The following CNGA3 variants were observed in gnomAD, a reference collection of about 807,000 sequenced individuals.
CNGA3 encodes the protein cyclic nucleotide gated channel subunit alpha 3.
Under a neutral mutation model 46.6 loss-of-function variants are expected in CNGA3, and 42 were observed. The observed-to-expected ratio is 0.90, with a 90% CI of 0.70 to 1.17. The LOEUF is 1.17. Among genes scored for constraint, CNGA3 ranks in the 50% most tolerant of loss-of-function variants. The pLI is 0.00. For missense variants in CNGA3, 893 were observed against 890.7 expected (o/e 1.00, Z -0.03); for synonymous variants, 394 against 369.4 (o/e 1.07, Z -0.76).
At chr2:98,348,968 G>A (rs982579678) in intron 1 of CNGA3, among the ~76,000 whole-genome samples, 1 of 152,186 alleles carries the variant, frequency 6.6e-6, no homozygotes, top group African/African-American at 2.4e-5. Flanking sequence ...TGTTGCAACT[G>A]AAACTTGAAA....
Position 98,393,555 on chromosome 2 carries a change from C to T in CNGA3, c.673+1585C>T, listed in dbSNP as rs561709453. 4.2e-3 allele frequency among the ~76,000 whole-genome samples: 633 copies of T among 152,310 alleles called. 5 individuals are homozygous for T. The highest frequency in any genetic ancestry group is 0.014 in the African/African-American group (585 of 41,572). Reference sequence around the variant, plus strand: ...CCTCAGATACACAGGCTGAGGCTTGCGTGGGTGGCCTAGCCAGCCCTGGTC... The same window carrying T: ...CCTCAGATACACAGGCTGAGGCTTGTGTGGGTGGCCTAGCCAGCCCTGGTC... On this transcript the variant is annotated intron_variant, in intron 7 of 7. Coordinates refer to ENST00000272602, the MANE Select transcript of CNGA3 (RefSeq NM_001298.3).
Position 98,387,232 on chromosome 2 carries a change from C to G in CNGA3, c.450-2426C>G, listed in dbSNP as rs888745382. 2.0e-5 allele frequency among the ~76,000 whole-genome samples: 3 copies of G among 152,172 alleles called. No homozygotes were observed. The East Asian group carries it at 5.8e-4, about 29-fold the overall frequency. On this transcript the variant is annotated intron_variant, in intron 5 of 7. Coordinates refer to ENST00000272602, the MANE Select transcript of CNGA3 (RefSeq NM_001298.3). ...TGGTCGTGTGATTCGGTGGCTCTCC[C>G]TTTTTGATTGTCATGAATAATGGCA...
At chr2:98,347,789 A>G (rs1326768920) in intron 1 of CNGA3, among the ~76,000 whole-genome samples, 4 of 152,232 alleles carry the variant, frequency 2.6e-5, no homozygotes, top group Non-Finnish European at 4.4e-5. Flanking sequence ...ACCCGGGTTC[A>G]GACTCCATCC....
chr2:98,367,187 T>TTTTTTA (rs1692180069), intron 1 of CNGA3, among the ~76,000 whole-genome samples: 2 of 139,688 alleles, frequency 1.4e-5, no homozygotes, highest in Non-Finnish European at 1.6e-5. Flanking sequence ...TTTTTTTTCT[T>TTTTTTA]TTTTTTTTTT....
chr2:98,390,574 C>A (rs1692761602), intron 6 of CNGA3, among the ~76,000 whole-genome samples: 1 of 152,158 alleles, frequency 6.6e-6, no homozygotes, highest in South Asian at 2.1e-4. Flanking sequence ...TCTGAGCAGG[C>A]CTCCAGGGTG....
At position 98,395,713 on chromosome 2, in the gene CNGA3, T is replaced by A. The variant is rs1045800084; in HGVS notation, c.674-131T>A. 7 of 747,994 alleles carry A rather than the reference T, an allele frequency of 9.4e-6. No individual in the cohort carries two copies. In the East Asian group the frequency reaches 1.9e-4, roughly 20 times the overall value. The allele number at this position is 747,994 out of a possible 1,614,324, so 46.3% of individuals were successfully genotyped here. ...TTCCTGTAGTAATGGTAAGTGTTGTTTTTGAAATCATTTCTATTATATATG... is the reference window on the plus strand; with the variant it reads ...TTCCTGTAGTAATGGTAAGTGTTGTATTTGAAATCATTTCTATTATATATG... On this transcript the variant is annotated intron_variant, in intron 7 of 7. Transcript: ENST00000272602.
chr2:98,347,980 G>T (rs1433543453), intron 1 of CNGA3, among the ~76,000 whole-genome samples: 1 of 152,222 alleles, frequency 6.6e-6, no homozygotes, highest in African/African-American at 2.4e-5. Context: ...GGCCGGGAGA[G>T]GAGAGATGGT....
At chr2:98,358,202 A>C (rs1691932515) in intron 1 of CNGA3, among the ~76,000 whole-genome samples, 1 of 152,246 alleles carries the variant, frequency 6.6e-6, no homozygotes, top group South Asian at 2.1e-4. Flanking sequence ...TAATCTCTTA[A>C]GATGTCATGA....
At chr2:98,353,529 T>C (rs951213831) in intron 1 of CNGA3, among the ~76,000 whole-genome samples, 12 of 152,218 alleles carry the variant, frequency 7.9e-5, no homozygotes, top group African/African-American at 2.9e-4. Context: ...GGAGCATTTG[T>C]TCCAGGACCT....
intron 7 of CNGA3, among the ~76,000 whole-genome samples, chr2:98,392,801 C>A (rs548090224): frequency 1.3e-5 from 2 of 152,188 alleles, no homozygotes; most frequent in Non-Finnish European, 2.9e-5. Flanking sequence ...GAAATAGGGC[C>A]CAGGTGAATG....
At chr2:98,385,667 G>A (rs548150576) in intron 5 of CNGA3, among the ~76,000 whole-genome samples, 1 of 152,172 alleles carries the variant, frequency 6.6e-6, no homozygotes, top group Non-Finnish European at 1.5e-5. Context: ...AAGTGTATTA[G>A]TCCATTCTCA....
intron 5 of CNGA3, among the ~76,000 whole-genome samples, chr2:98,387,517 T>C (rs1416827180): frequency 6.6e-6 from 1 of 152,184 alleles, no homozygotes; most frequent in African/African-American, 2.4e-5. Context: ...ATGTATTCAT[T>C]AGATAACTTT....
At chr2:98,374,713 A>G (rs1335993188) in intron 2 of CNGA3, among the ~76,000 whole-genome samples, 2 of 152,198 alleles carry the variant, frequency 1.3e-5, no homozygotes, top group African/African-American at 4.8e-5. Flanking sequence ...GAAGTTTACT[A>G]TGTAAACACC....
At chr2:98,347,423 G>T (rs1206508032) in intron 1 of CNGA3, among the ~76,000 whole-genome samples, 6 of 152,172 alleles carry the variant, frequency 3.9e-5, no homozygotes, top group Admixed American at 3.9e-4. Flanking sequence ...GGGGGCCTTG[G>T]CGCGCAGGCC....
At chr2:98,365,723 C>T (rs753764557) in intron 1 of CNGA3, among the ~76,000 whole-genome samples, 2 of 152,012 alleles carry the variant, frequency 1.3e-5, no homozygotes, top group Non-Finnish European at 2.9e-5. Context: ...GTGAAGTTCT[C>T]GTGTTGTGTT....
chr2:98,349,565 G>A (rs191949868), intron 1 of CNGA3, among the ~76,000 whole-genome samples: 76 of 152,308 alleles, frequency 5.0e-4, no homozygotes, highest in Non-Finnish European at 3.2e-4. Context: ...ATGGATTGTA[G>A]GAGTGACAGC....
intron 2 of CNGA3, 114 bp from the exon 3 acceptor site, chr2:98,377,573 T>C: frequency 1.0e-6 from 1 of 969,554 alleles, no homozygotes. Context: ...GATGAGGATC[T>C]GTGAGGGTGG....
chr2:98,396,906 T>C lies in CNGA3; in HGVS notation c.1736T>C (p.Leu579Pro). Reference protein sequence around the residue: ...RSIGYSDLFCLSKDDLMEALT... With the variant: ...RSIGYSDLFCPSKDDLMEALT... ...ATTGGCTACTCAGACCTGTTCTGCC[T>C]CTCAAAGGACGATCTCATGGAGGCC... Residue 579 changes from leucine to proline, a missense_variant, in exon 8 of 8, where the codon CTC (leucine) becomes CCC (proline). Physicochemically the swap from Leu to Pro is moderately conservative, Grantham distance 98. Transcript: ENST00000272602. The C allele has an allele frequency of 6.2e-7, 1 of 1,614,048 alleles. No individual in the cohort carries two copies. The highest frequency in any genetic ancestry group is 8.5e-7 in the Non-Finnish European group (1 of 1,180,014).
At chr2:98,368,408 A>G (rs1325108845) in intron 1 of CNGA3, among the ~76,000 whole-genome samples, 1 of 152,236 alleles carries the variant, frequency 6.6e-6, no homozygotes. Context: ...GTGCTAATCT[A>G]TTTTAGAGAA....
Sources: gnomAD v4.1 joint callset for allele counts (sites outside exome capture counted in the v4.1 genomes callset) on GRCh38, gnomAD v4.1.1 for gene constraint, MANE v1.5 for transcripts, NCBI Gene and HGNC (gene_info 2026-07-23, HGNC 2026-07-21) for gene names.